The following IPCEF1 variants were observed in gnomAD, a reference collection of about 807,000 sequenced individuals.
IPCEF1 encodes interaction protein for cytohesin exchange factors 1, also known as interactor protein for cytohesin exchange factors 1.
Under a neutral mutation model 50.9 loss-of-function variants are expected in IPCEF1, and 31 were observed. The observed-to-expected ratio is 0.61, with a 90% CI of 0.46 to 0.82. The LOEUF (loss-of-function observed/expected upper bound fraction) is 0.82. Among genes scored for constraint, IPCEF1 ranks in the 40% least tolerant of loss-of-function variants. The probability of loss-of-function intolerance (pLI) is 0.00; values close to 1 mark genes in which losing one functional copy is unlikely to be tolerated. For missense variants in IPCEF1, 458 were observed against 514.0 expected, an observed-to-expected ratio of 0.89 and a Z score of 1.05; for synonymous variants, 181 against 192.0, an observed-to-expected ratio of 0.94 and a Z score of 0.47.
intron 2 of IPCEF1, among the ~76,000 whole-genome samples, chr6:154,287,051 A>G (rs1000255167): frequency 1.3e-5 from 2 of 152,140 alleles, no homozygotes; most frequent in African/African-American, 4.8e-5. Flanking sequence ...CGAGCTCAGG[A>G]GTTTGAGGTC....
chr6:154,221,268 C>T lies in IPCEF1; in HGVS notation c.381G>A (p.Gln127=), dbSNP rs754147972. ...TTTCCTCTACTTACACGTTCATTTC[C>T]TGCACATTCTCAGCTGCAAAATAAA... The part of the protein sequence containing the change: ...KTFYFAAENV[Q]EMNVWLNKLG... Residue 127 remains glutamine (Q), a synonymous_variant, in exon 7 of 12, where the codon CAG becomes CAA. Transcript: ENST00000367220. 2 of 1,613,764 alleles carry T rather than the reference C, an allele frequency of 1.2e-6. No homozygotes were observed. The highest frequency in any genetic ancestry group is 8.5e-7 in the Non-Finnish European group (1 of 1,179,802).
At chr6:154,209,797 G>A (rs1777818273) in intron 9 of IPCEF1, among the ~76,000 whole-genome samples, 1 of 152,072 alleles carries the variant, frequency 6.6e-6, no homozygotes, top group Non-Finnish European at 1.5e-5. Flanking sequence ...ATGTGATCAG[G>A]AGGAACACAT....
At chr6:154,232,419 A>C (rs1468617033) in intron 5 of IPCEF1, among the ~76,000 whole-genome samples, 1 of 152,200 alleles carries the variant, frequency 6.6e-6, no homozygotes, top group Non-Finnish European at 1.5e-5. Context: ...GTGAGGTAGT[A>C]CTATGATCAC....
chr6:154,197,278 A>T (rs1776695285), intron 10 of IPCEF1, among the ~76,000 whole-genome samples: 1 of 151,306 alleles, frequency 6.6e-6, no homozygotes, highest in African/African-American at 2.4e-5. Flanking sequence ...CACACATGTA[A>T]AAAAAAATGC....
chr6:154,276,150 C>T (rs1340705959), intron 2 of IPCEF1, among the ~76,000 whole-genome samples: 4 of 151,234 alleles, frequency 2.6e-5, no homozygotes, highest in South Asian at 2.1e-4. Context: ...TGCCACTGCA[C>T]TCCAGCCTGG....
intron 1 of IPCEF1, among the ~76,000 whole-genome samples, chr6:154,296,930 C>A (rs1782679314): frequency 6.6e-6 from 1 of 152,140 alleles, no homozygotes; most frequent in East Asian, 1.9e-4. Context: ...AGGGCCCCAG[C>A]CACAGTGGAA....
intron 1 of IPCEF1, among the ~76,000 whole-genome samples, chr6:154,340,320 G>A (rs1010921732): frequency 1.3e-5 from 2 of 151,090 alleles, no homozygotes; most frequent in Admixed American, 6.6e-5. Context: ...GTGTGATCTC[G>A]GCTCACTGCA....
At chr6:154,195,356 C>A (rs1446969015) in intron 10 of IPCEF1, among the ~76,000 whole-genome samples, 1 of 151,978 alleles carries the variant, frequency 6.6e-6, no homozygotes, top group Non-Finnish European at 1.5e-5. Flanking sequence ...ACCATGTTAG[C>A]CAGGATGGTC....
At chr6:154,275,243 C>T (rs1316149234) in intron 2 of IPCEF1, among the ~76,000 whole-genome samples, 1 of 152,180 alleles carries the variant, frequency 6.6e-6, no homozygotes, top group East Asian at 1.9e-4. Context: ...CAGGAGCCAC[C>T]TCAAAAGTTT....
chr6:154,170,359 C>T (rs1290701687), intron 10 of IPCEF1, among the ~76,000 whole-genome samples: 2 of 152,156 alleles, frequency 1.3e-5, no homozygotes, highest in Admixed American at 6.5e-5. Context: ...TGGAGAAAAG[C>T]ATATAATGGT....
At chr6:154,291,680 G>GTTTTTTTTTTTT (rs34064925) in intron 1 of IPCEF1, among the ~76,000 whole-genome samples, 1 of 104,508 alleles carries the variant, frequency 9.6e-6, no homozygotes, top group Non-Finnish European at 1.8e-5. Flanking sequence ...CTCAGGAAAG[G>GTTTTTTTTTTTT]TTTTTTTTTT....
In IPCEF1 at chr6:154,335,557, C is replaced by T. The variant is rs542959992; in HGVS notation, c.-62+21115G>A. On this transcript the variant is annotated intron_variant, in intron 1 of 11. Coordinates refer to ENST00000367220, the MANE Select transcript of IPCEF1 (RefSeq NM_001130700.2). ...AGTGAAGATACAACCTGTTGAAGGT[C>T]GAGCACGGTGGCTCATGCCTGTAAT... Among the ~76,000 whole-genome samples, 5 of 152,098 alleles carry T rather than the reference C, an allele frequency of 3.3e-5. 1 individual carries two copies. In the South Asian group the frequency reaches 6.2e-4, roughly 19 times the overall value.
intron 11 of IPCEF1, among the ~76,000 whole-genome samples, chr6:154,164,984 A>C (rs1158389461): frequency 1.3e-5 from 2 of 152,020 alleles, no homozygotes. Context: ...CAGTGCAGGG[A>C]TTTTTCTTAT....
chr6:154,195,147 CT>C (rs10719288), intron 10 of IPCEF1, among the ~76,000 whole-genome samples: 36,635 of 122,316 alleles, frequency 0.3, 3,214 homozygotes, highest in Middle Eastern at 0.4. Flanking sequence ...TCTTTTCTTT[CT>C]TTTTTTTTTT....
intron 3 of IPCEF1, among the ~76,000 whole-genome samples, chr6:154,263,246 T>TAA (rs1781650181): frequency 1.9e-4 from 27 of 142,490 alleles, no homozygotes; most frequent in Admixed American, 1.7e-3. Context: ...TTTTTAAATT[T>TAA]ATTTATTTAT....
At chr6:154,332,288 G>GT (rs59261360) in intron 1 of IPCEF1, among the ~76,000 whole-genome samples, 251 of 140,472 alleles carry the variant, frequency 1.8e-3, no homozygotes, top group African/African-American at 5.4e-3. Context: ...TGTGTGAGTG[G>GT]TTTTTTTTTT....
intron 3 of IPCEF1, among the ~76,000 whole-genome samples, chr6:154,261,064 G>T (rs138313056): frequency 1.2e-4 from 19 of 152,232 alleles, no homozygotes; most frequent in Non-Finnish European, 2.8e-4. Flanking sequence ...TGTGTGTGTT[G>T]TGACAGGGTC....
Position 154,285,105 on chromosome 6 carries a change from C to G in IPCEF1, c.-18+4608G>C, listed in dbSNP as rs139298736. The stretch of plus-strand genomic sequence containing the variant: ...TGCCTCATTAAGTATTAACAAAAGT[C>G]TTTTCTATATTTCTTCAAGCTCTAT... On this transcript the variant is annotated intron_variant, in intron 2 of 11. Coordinates refer to ENST00000367220, the MANE Select transcript of IPCEF1 (RefSeq NM_001130700.2). 5.9e-3 allele frequency among the ~76,000 whole-genome samples: 899 copies of G among 152,260 alleles called. 15 individuals are homozygous for G. Among genetic ancestry groups the G allele is most frequent in the African/African-American group, 0.021 (858 of 41,558 alleles).
At chr6:154,264,710 A>G (rs958772272) in intron 3 of IPCEF1, among the ~76,000 whole-genome samples, 1 of 151,968 alleles carries the variant, frequency 6.6e-6, no homozygotes, top group Non-Finnish European at 1.5e-5. Context: ...ATTTTTTTTC[A>G]TACCTAGCAA....
Sources: allele counts gnomAD v4.1 joint callset (sites outside exome capture counted in the v4.1 genomes callset), GRCh38; gene constraint gnomAD v4.1.1; transcripts MANE v1.5; gene names NCBI Gene and HGNC (gene_info 2026-07-23, HGNC 2026-07-21).